CRACDL: variants seen among roughly 807,000 people sequenced by gnomAD.
CRACDL encodes CRACD like, also known as CRACD-like protein.
In CRACDL, 26 loss-of-function variants were observed where a neutral mutation model predicts 70.6. The observed-to-expected ratio is 0.37, with a 90% CI of 0.27 to 0.51. CRACDL has a LOEUF of 0.51. Among genes scored for constraint, CRACDL ranks in the 20% least tolerant of loss-of-function variants. The pLI is 0.94. For missense variants in CRACDL, 1,283 were observed against 1,376.9 expected (o/e 0.93, Z 1.08); for synonymous variants, 618 against 615.2 (o/e 1.00, Z -0.07).
intron 1 of CRACDL, among the ~76,000 whole-genome samples, chr2:98,899,933 C>T (rs1328894145): frequency 7.9e-6 from 1 of 126,212 alleles, no homozygotes; most frequent in African/African-American, 3.2e-5. Context: ...GACAGAGGCT[C>T]AGTAGGAGGG....
intron 1 of CRACDL, among the ~76,000 whole-genome samples, chr2:98,923,677 A>C (rs1282419812): frequency 6.6e-6 from 1 of 152,222 alleles, no homozygotes; most frequent in Non-Finnish European, 1.5e-5. Flanking sequence ...TCAGATGTTG[A>C]GGTGATTAAT....
chr2:98,821,847 G>C lies in CRACDL; in HGVS notation c.2416+10C>G, dbSNP rs753845926. Reference sequence around the variant, plus strand: ...GCCCTGCCCTTCCCGCACCCTCGGCGGGCTCTTACCAGCTCCCCTGCGCAG... The same window carrying C: ...GCCCTGCCCTTCCCGCACCCTCGGCCGGCTCTTACCAGCTCCCCTGCGCAG... On this transcript the variant is annotated intron_variant, in intron 7 of 9. Coordinates refer to ENST00000397899, the MANE Select transcript of CRACDL (RefSeq NM_207362.3). The C allele has an allele frequency of 5.6e-6, 9 of 1,606,774 alleles. No individual in the cohort carries two copies. The South Asian group carries it at 8.8e-5, about 16-fold the overall frequency.
At chr2:98,840,761 G>T (rs1488903963) in intron 2 of CRACDL, 1 of 152,142 alleles carries the variant, frequency 6.6e-6, no homozygotes, top group Admixed American at 6.5e-5. Flanking sequence ...TTAATGCATA[G>T]AAATGTAAAA....
At chr2:98,892,957 C>T (rs1708016671) in intron 1 of CRACDL, among the ~76,000 whole-genome samples, 2 of 152,138 alleles carry the variant, frequency 1.3e-5, no homozygotes, top group South Asian at 4.1e-4. Context: ...TTTGGTTTCT[C>T]TGATACCTGG....
chr2:98,856,091 G>A (rs988768101), intron 1 of CRACDL, among the ~76,000 whole-genome samples: 1 of 151,994 alleles, frequency 6.6e-6, no homozygotes, highest in Non-Finnish European at 1.5e-5. Context: ...CTAAATTTGA[G>A]GAAAAACAGT....
intron 7 of CRACDL, among the ~76,000 whole-genome samples, chr2:98,800,367 G>T (rs775311479): frequency 5.9e-5 from 9 of 151,516 alleles, no homozygotes; most frequent in Non-Finnish European, 1.3e-4. Flanking sequence ...TGTGTAAACC[G>T]GCCCCAAGGA....
At chr2:98,922,491 T>C (rs1573204614) in intron 1 of CRACDL, among the ~76,000 whole-genome samples, 1 of 151,662 alleles carries the variant, frequency 6.6e-6, no homozygotes, top group East Asian at 1.9e-4. Flanking sequence ...ATTAAAACAC[T>C]TTCACAAGCC....
At chr2:98,831,786 G>A (rs1464276899) in intron 5 of CRACDL, among the ~76,000 whole-genome samples, 2 of 152,132 alleles carry the variant, frequency 1.3e-5, no homozygotes, top group African/African-American at 2.4e-5. Context: ...TGGAGAAGGT[G>A]GTGTTTGGGA....
chr2:98,848,563 T>C (rs1706353659), intron 1 of CRACDL, among the ~76,000 whole-genome samples: 1 of 152,176 alleles, frequency 6.6e-6, no homozygotes. Context: ...AACTGCAAAT[T>C]ACTTATCAAG....
intron 5 of CRACDL, among the ~76,000 whole-genome samples, chr2:98,829,963 T>C (rs1239004714): frequency 1.3e-5 from 2 of 152,224 alleles, no homozygotes; most frequent in African/African-American, 4.8e-5. Flanking sequence ...ACACAGATTC[T>C]AAGAGGTGAT....
intron 1 of CRACDL, among the ~76,000 whole-genome samples, chr2:98,914,534 G>A (rs895129481): frequency 1.3e-5 from 2 of 152,234 alleles, no homozygotes; most frequent in Admixed American, 6.5e-5. Context: ...TATGGGCCAG[G>A]ACAGCTTACT....
At chr2:98,811,637 C>T (rs774759714) in intron 7 of CRACDL, among the ~76,000 whole-genome samples, 1 of 150,946 alleles carries the variant, frequency 6.6e-6, no homozygotes, top group Non-Finnish European at 1.5e-5. Flanking sequence ...CCGTCACAAA[C>T]AGGATACAGA....
chr2:98,821,739 C>T, intron 7 of CRACDL, 118 bp downstream of exon 7: 6 of 1,306,760 alleles, frequency 4.6e-6, no homozygotes, highest in South Asian at 1.4e-5. Flanking sequence ...CTGACTCCTT[C>T]CAATTCCCCT....
chr2:98,918,539 C>CAAAAAAAAAAAAAAAAAAAA (rs58312556), intron 1 of CRACDL, among the ~76,000 whole-genome samples: 2 of 66,346 alleles, frequency 3.0e-5, no homozygotes, highest in Non-Finnish European at 5.7e-5. Flanking sequence ...TGTTGTCTAC[C>CAAAAAAAAAAAAAAAAAAAA]AAAAAAAAAA....
At chr2:98,933,649 G>A (rs548949721) in intron 1 of CRACDL, among the ~76,000 whole-genome samples, 34 of 152,210 alleles carry the variant, frequency 2.2e-4, no homozygotes, top group Non-Finnish European at 3.8e-4. Flanking sequence ...GACAAGGCAC[G>A]GAGCCAGCCT....
chr2:98,834,694 A>G (rs188368880), intron 3 of CRACDL, among the ~76,000 whole-genome samples: 1 of 152,372 alleles, frequency 6.6e-6, no homozygotes, highest in Non-Finnish European at 1.5e-5. Context: ...AACGTTTTAT[A>G]TAATTAAAAG....
At chr2:98,933,892 GA>G (rs1709144244) in intron 1 of CRACDL, among the ~76,000 whole-genome samples, 1 of 152,190 alleles carries the variant, frequency 6.6e-6, no homozygotes, top group South Asian at 2.1e-4. Context: ...CCAGAGGCTG[GA>G]AGTCCAAGAT....
chr2:98,831,357 T>C (rs1184549109), intron 5 of CRACDL, among the ~76,000 whole-genome samples: 5 of 152,180 alleles, frequency 3.3e-5, no homozygotes, highest in African/African-American at 7.2e-5. Context: ...GCAGGGTGTA[T>C]AGGTGTCCAC....
At position 98,915,936 on chromosome 2, in the gene CRACDL, T is replaced by G. The variant is rs530963598; in HGVS notation, c.-11+20002A>C. Among the ~76,000 whole-genome samples the G allele has an allele frequency of 1.4e-4, 22 of 152,280 alleles. No homozygotes were observed. The East Asian group carries it at 3.7e-3, about 25-fold the overall frequency. On this transcript the variant is annotated intron_variant, in intron 1 of 9. Transcript: ENST00000397899. ...ATGGCCAAGCCTTGTGTTTGACGAA[T>G]GACAGCCCAGGTGCCCACTGGGCTG...
Sources: allele counts gnomAD v4.1 joint callset (sites outside exome capture counted in the v4.1 genomes callset), GRCh38; gene constraint gnomAD v4.1.1; transcripts MANE v1.5; gene names NCBI Gene and HGNC (gene_info 2026-07-23, HGNC 2026-07-21).